MOGAT1: variants seen among roughly 807,000 people sequenced by gnomAD.
MOGAT1 encodes 2-acylglycerol O-acyltransferase 1.
Under a neutral mutation model 31.4 loss-of-function variants are expected in MOGAT1, and 32 were observed. The ratio of observed to expected loss-of-function variants is 1.02; its 90% confidence interval spans 0.77 to 1.37. MOGAT1 has a LOEUF of 1.37. Among genes scored for constraint, MOGAT1 ranks in the 40% most tolerant of loss-of-function variants. The pLI, the probability that MOGAT1 is intolerant of heterozygous loss-of-function variation, is 0.00. For synonymous variants in MOGAT1, 145 were observed against 144.5 expected, an observed-to-expected ratio of 1.00 and a Z score of -0.03; for missense variants, 426 against 402.0, an observed-to-expected ratio of 1.06 and a Z score of -0.51.
intron 1 of MOGAT1, among the ~76,000 whole-genome samples, chr2:222,685,172 G>A (rs1438180597): frequency 6.6e-6 from 1 of 152,196 alleles, no homozygotes; most frequent in Non-Finnish European, 1.5e-5. Context: ...AAAATTTTAA[G>A]AGTAATTTTT....
At chr2:222,701,402 G>A (rs565924989) in intron 5 of MOGAT1, among the ~76,000 whole-genome samples, 31 of 146,048 alleles carry the variant, frequency 2.1e-4, no homozygotes, top group East Asian at 1.6e-3. Context: ...GAAAGAAAGA[G>A]AGAGAGAGAG....
chr2:222,703,110 A>T (rs1692950355), intron 5 of MOGAT1, among the ~76,000 whole-genome samples: 2 of 152,222 alleles, frequency 1.3e-5, no homozygotes, highest in Admixed American at 1.3e-4. Flanking sequence ...CCCCATAAGA[A>T]AATGAAGACC....
chr2:222,683,663 G>T (rs1692620239), intron 1 of MOGAT1, among the ~76,000 whole-genome samples: 1 of 151,626 alleles, frequency 6.6e-6, no homozygotes, highest in Admixed American at 6.6e-5. Context: ...GGGAGGTGGA[G>T]GTTCAGTGAG....
rs941794541 is a variant in MOGAT1 at position 222,671,917 on chromosome 2, C to A, written c.94+38C>A. On this transcript the variant is annotated intron_variant, in intron 1 of 5. Coordinates refer to ENST00000446656, the MANE Select transcript of MOGAT1 (RefSeq NM_058165.3). ...CCCCCCGGGCCGCGGGGCTTGGGCTCCATATCCTCCCTCGGGACGGTCCGG... is the reference window on the plus strand; with the variant it reads ...CCCCCCGGGCCGCGGGGCTTGGGCTACATATCCTCCCTCGGGACGGTCCGG... 1.1e-5 allele frequency: 16 copies of A among 1,469,246 alleles called. No individual in the cohort carries two copies. In the African/African-American group the frequency reaches 2.1e-4, roughly 19 times the overall value. 91.0% of individuals were successfully genotyped at this position (1,469,246 alleles called of 1,614,324 possible). A position where few individuals can be genotyped will look rare whatever the true frequency, so the allele number is the denominator to read the frequency against.
At chr2:222,708,849 T>C (rs1285134492) in intron 5 of MOGAT1, among the ~76,000 whole-genome samples, 1 of 152,226 alleles carries the variant, frequency 6.6e-6, no homozygotes, top group Non-Finnish European at 1.5e-5. Flanking sequence ...ATTATTTCAT[T>C]GTTTAAAAAT....
intron 3 of MOGAT1, among the ~76,000 whole-genome samples, chr2:222,693,647 T>C (rs1363566590): frequency 6.6e-6 from 1 of 151,904 alleles, no homozygotes; most frequent in Non-Finnish European, 1.5e-5. Context: ...GGAGAGAGCT[T>C]GTGCAGGGAA....
chr2:222,694,989 A>G, intron 4 of MOGAT1, 100 bp from the exon 5 acceptor site: 2 of 884,188 alleles, frequency 2.3e-6, no homozygotes, highest in Non-Finnish European at 3.3e-6. Flanking sequence ...GGGCACATTT[A>G]AAAAATTTTT....
chr2:222,695,018 T>G, intron 4 of MOGAT1, 71 bp from the exon 5 acceptor site: 2 of 1,227,326 alleles, frequency 1.6e-6, no homozygotes, highest in South Asian at 1.8e-5. Context: ...GTTGCAAGAG[T>G]CAGCTAAACA....
At chr2:222,707,131 G>A (rs1361073061) in intron 5 of MOGAT1, among the ~76,000 whole-genome samples, 1 of 151,972 alleles carries the variant, frequency 6.6e-6, no homozygotes, top group Admixed American at 6.6e-5. Context: ...GGCGGAGGCT[G>A]CAGTGAGACG....
rs79671960 is a variant in MOGAT1, at chr2:222,681,087, G to T, written c.95-7257G>T. On this transcript the variant is annotated intron_variant, in intron 1 of 5. Transcript: ENST00000446656. Reference sequence around the variant, plus strand: ...ACAGACCTGGCCACCACTCCTTGTCGAAAGTCTTCAATTCATGGAAACTGA... The same window carrying T: ...ACAGACCTGGCCACCACTCCTTGTCTAAAGTCTTCAATTCATGGAAACTGA... Among the ~76,000 whole-genome samples the T allele has an allele frequency of 9.4e-3, 1,424 of 152,264 alleles. 26 individuals carry two copies. Among genetic ancestry groups the T allele is most frequent in the African/African-American group, 0.033 (1,360 of 41,548 alleles).
chr2:222,703,785 A>T (rs2106045069), intron 5 of MOGAT1, among the ~76,000 whole-genome samples: 1 of 152,284 alleles, frequency 6.6e-6, no homozygotes, highest in African/African-American at 2.4e-5. Context: ...TATTAGAACA[A>T]TCAACTCTAC....
intron 5 of MOGAT1, among the ~76,000 whole-genome samples, chr2:222,701,299 G>GA (rs71053101): frequency 0.14 from 12,257 of 90,144 alleles, 747 homozygotes; most frequent in Non-Finnish European, 0.15. Flanking sequence ...AGGAGGAGGA[G>GA]GAGAGAGAGA....
intron 1 of MOGAT1, among the ~76,000 whole-genome samples, chr2:222,682,185 A>C (rs1291660896): frequency 1.3e-5 from 2 of 152,196 alleles, no homozygotes; most frequent in Non-Finnish European, 2.9e-5. Context: ...AATTTAGAAG[A>C]AACTAAATTG....
At chr2:222,685,895 C>G (rs1240833650) in intron 1 of MOGAT1, among the ~76,000 whole-genome samples, 3 of 151,690 alleles carry the variant, frequency 2.0e-5, no homozygotes, top group Non-Finnish European at 4.4e-5. Context: ...CCACTGTGCC[C>G]GGCTGTGTTT....
rs760429914 is a variant in MOGAT1 at position 222,709,848 on chromosome 2, A to T, written c.966A>T (p.Gly322=). The T allele has an allele frequency of 1.2e-6, 2 of 1,613,432 alleles. No individual in the cohort carries two copies. The highest frequency in any genetic ancestry group is 1.7e-5 in the Admixed American group (1 of 60,024). Residue 322 remains glycine (G), a synonymous_variant, in exon 6 of 6, where the codon GGA becomes GGT. Coordinates refer to ENST00000446656, the MANE Select transcript of MOGAT1 (RefSeq NM_058165.3). The part of the protein sequence containing the change: ...ELRKLFEEHK[G]KYGIPEHETL... ...GGAAATTGTTTGAGGAACACAAAGG[A>T]AAGTATGGCATTCCAGAGCACGAGA... is the stretch of plus-strand genomic sequence containing the variant.
intron 5 of MOGAT1, among the ~76,000 whole-genome samples, chr2:222,705,233 C>T (rs779523232): frequency 5.3e-5 from 8 of 152,096 alleles, no homozygotes; most frequent in Non-Finnish European, 1.2e-4. Flanking sequence ...GGGTTTTGGC[C>T]GACTTCTTTA....
At chr2:222,698,422 A>C (rs1166990100) in intron 5 of MOGAT1, among the ~76,000 whole-genome samples, 3 of 152,132 alleles carry the variant, frequency 2.0e-5, no homozygotes, top group Admixed American at 1.3e-4. Context: ...TATAAACAGG[A>C]CTTCTTGTGA....
At chr2:222,685,030 C>T (rs546389222) in intron 1 of MOGAT1, among the ~76,000 whole-genome samples, 2 of 151,970 alleles carry the variant, frequency 1.3e-5, no homozygotes, top group East Asian at 1.9e-4. Flanking sequence ...ATTGATCAGT[C>T]GTTAAAAATA....
chr2:222,671,887 C>T lies in MOGAT1; in HGVS notation c.94+8C>T, dbSNP rs1393673129. Reference sequence around the variant, plus strand: ...TGAAATACCTGCTGCTCGGTAAGGACCCCGCCCCCCGGGCCGCGGGGCTTG... The same window carrying T: ...TGAAATACCTGCTGCTCGGTAAGGATCCCGCCCCCCGGGCCGCGGGGCTTG... On this transcript the variant is annotated splice_region_variant and intron_variant, in intron 1 of 5. Coordinates refer to ENST00000446656, the MANE Select transcript of MOGAT1 (RefSeq NM_058165.3). 2 of 1,548,984 alleles carry T rather than the reference C, an allele frequency of 1.3e-6. No homozygotes were observed. Among genetic ancestry groups the T allele is most frequent in the Non-Finnish European group, 1.7e-6 (2 of 1,145,156 alleles).
Sources: gnomAD v4.1 joint callset for allele counts (sites outside exome capture counted in the v4.1 genomes callset) on GRCh38, gnomAD v4.1.1 for gene constraint, MANE v1.5 for transcripts, NCBI Gene and HGNC (gene_info 2026-07-23, HGNC 2026-07-21) for gene names.